THNSL1: variants seen among roughly 807,000 people sequenced by gnomAD.
The protein encoded by THNSL1 is threonine synthase-like 1.
Under a neutral mutation model 50.4 loss-of-function variants are expected in THNSL1, and 48 were observed. The observed-to-expected ratio is 0.95, with a 90% CI of 0.76 to 1.21. The LOEUF is 1.21. Among genes scored for constraint, THNSL1 ranks in the 50% most tolerant of loss-of-function variants. The probability of loss-of-function intolerance (pLI) is 0.00; values close to 1 mark genes in which losing one functional copy is unlikely to be tolerated. For synonymous variants in THNSL1, 309 were observed against 306.1 expected, an observed-to-expected ratio of 1.01 and a Z score of -0.10; for missense variants, 896 against 871.7, an observed-to-expected ratio of 1.03 and a Z score of -0.35.
the THNSL1 span, among the ~76,000 whole-genome samples, chr10:24,977,305 TAAG>T: frequency 6.6e-6 from 1 of 152,188 alleles, no homozygotes; most frequent in African/African-American, 2.4e-5. Flanking sequence ...TTTAGAACAA[TAAG>T]AAGTTGGTCA....
upstream of THNSL1, among the ~76,000 whole-genome samples, chr10:25,013,697 C>A (rs1431942725): frequency 6.6e-6 from 1 of 152,196 alleles, no homozygotes; most frequent in African/African-American, 2.4e-5. Context: ...AATCATAGCA[C>A]TTTGGGAGGC....
At chr10:24,962,579 A>G in the THNSL1 span, among the ~76,000 whole-genome samples, 2 of 152,220 alleles carry the variant, frequency 1.3e-5, no homozygotes, top group East Asian at 3.8e-4. Flanking sequence ...GTGTCTGTAA[A>G]AAGGATTAGA....
the THNSL1 span, among the ~76,000 whole-genome samples, chr10:24,972,945 AT>A: frequency 1.3e-4 from 20 of 152,118 alleles, no homozygotes; most frequent in Admixed American, 1.2e-3. Flanking sequence ...TATACTACAT[AT>A]TTTTTTCTGT....
At chr10:25,016,062 C>T (rs570245007), upstream of THNSL1, 15 of 1,428,610 alleles carry the variant, frequency 1.0e-5, no homozygotes, top group South Asian at 2.5e-4. Context: ...CACAGGTTCT[C>T]TCCTTCACAT....
the THNSL1 span, among the ~76,000 whole-genome samples, chr10:24,953,959 G>C: frequency 6.6e-6 from 1 of 152,180 alleles, no homozygotes; most frequent in Admixed American, 6.5e-5. Context: ...CATCTGCTTG[G>C]CAACTGCCTT....
At chr10:25,016,373 A>T (rs1410571698), upstream of THNSL1, among the ~76,000 whole-genome samples, 1 of 152,190 alleles carries the variant, frequency 6.6e-6, no homozygotes, top group African/African-American at 2.4e-5. Context: ...GGGAAAAAAG[A>T]AAAATCCTAG....
chr10:25,014,999 C>T (rs1467586153), upstream of THNSL1, among the ~76,000 whole-genome samples: 2 of 152,114 alleles, frequency 1.3e-5, no homozygotes, highest in Non-Finnish European at 2.9e-5. Flanking sequence ...TTGCTAGGCC[C>T]GATTTTTAGT....
chr10:24,953,249 T>TCCACCTTCCC, the THNSL1 span: 2 of 149,174 alleles, frequency 1.3e-5, no homozygotes, highest in Non-Finnish European at 3.0e-5. Context: ...TCCACCTTTC[T>TCCACCTTCCC]CCACCTTCCC....
At chr10:25,016,183 A>C (rs941186628), upstream of THNSL1, 31 of 1,180,384 alleles carry the variant, frequency 2.6e-5, no homozygotes, top group Non-Finnish European at 3.2e-5. Context: ...AACCGTTACT[A>C]GGCAACGAGG....
chr10:24,963,496 G>A, the THNSL1 span, among the ~76,000 whole-genome samples: 1 of 152,172 alleles, frequency 6.6e-6, no homozygotes. Flanking sequence ...CAAATATGAA[G>A]AATGGTTATT....
At position 25,024,225 on chromosome 10, in the gene THNSL1, A is replaced by G; in HGVS notation, c.1002A>G (p.Ser334=). 2 of 1,614,220 alleles carry G rather than the reference A, an allele frequency of 1.2e-6. No homozygotes were observed. The highest frequency in any genetic ancestry group is 2.7e-5 in the African/African-American group (2 of 75,070). Residue 334 remains serine (S), a synonymous_variant, in exon 3 of 3, where the codon TCA becomes TCG. Transcript: ENST00000376356. ...AAATTGCTCCTGTCAGGCACCTTTC[A>G]GGCAACCAGTTCATCCTGGAGTTGT... The part of the protein sequence containing the change: ...CSKIAPVRHL[S]GNQFILELFH...
At chr10:24,984,165 C>G in the THNSL1 span, 2 of 453,178 alleles carry the variant, frequency 4.4e-6, no homozygotes, top group South Asian at 9.2e-5. Context: ...CAAATAGAAG[C>G]CTTTCATCAT....
At chr10:25,020,178 T>C (rs1413389547) in intron 1 of THNSL1, among the ~76,000 whole-genome samples, 6 of 151,892 alleles carry the variant, frequency 4.0e-5, no homozygotes. Flanking sequence ...AAGGAACATG[T>C]TTGTGGGAAA....
At chr10:24,971,857 G>T in the THNSL1 span, among the ~76,000 whole-genome samples, 3 of 152,160 alleles carry the variant, frequency 2.0e-5, no homozygotes, top group Non-Finnish European at 2.9e-5. Context: ...ACTGAGTTTT[G>T]TCTATTGTTG....
At chr10:25,007,155 A>T in the THNSL1 span, among the ~76,000 whole-genome samples, 26 of 152,194 alleles carry the variant, frequency 1.7e-4, no homozygotes, top group African/African-American at 6.0e-4. Context: ...TAACAGACTG[A>T]CATATTTCCC....
At chr10:24,965,918 T>C in the THNSL1 span, among the ~76,000 whole-genome samples, 31 of 152,358 alleles carry the variant, frequency 2.0e-4, no homozygotes, top group African/African-American at 7.5e-4. Context: ...TTGCATTTAG[T>C]AGAGGTTGTG....
chr10:24,988,664 GTATATATATATATATATATATATA>G, the THNSL1 span, among the ~76,000 whole-genome samples: 660 of 98,808 alleles, frequency 6.7e-3, 11 homozygotes, highest in African/African-American at 0.019. Flanking sequence ...CACAGCATAT[GTATATATATATATATATATATATA>G]TATATATATA....
chr10:25,016,036 T>TG (rs1850562014), upstream of THNSL1: 13 of 1,492,072 alleles, frequency 8.7e-6, no homozygotes, highest in Admixed American at 2.9e-4. Context: ...TCTTTCTTCT[T>TG]CGCCTTCTGA....
the THNSL1 span, chr10:24,995,997 G>T: frequency 1.4e-6 from 1 of 736,352 alleles, no homozygotes; most frequent in Non-Finnish European, 2.0e-6. Context: ...AAATATTTAA[G>T]ATAGAAGTTT....
Sources: gnomAD v4.1 joint callset for allele counts (sites outside exome capture counted in the v4.1 genomes callset) on GRCh38, gnomAD v4.1.1 for gene constraint, MANE v1.5 for transcripts, NCBI Gene and HGNC (gene_info 2026-07-23, HGNC 2026-07-21) for gene names.